Variants in STK10 observed in about 807,000 individuals in gnomAD.
STK10 encodes serine/threonine kinase 10.
Under a neutral mutation model 113.8 loss-of-function variants are expected in STK10, and 78 were observed. That is an observed-to-expected ratio of 0.69 (90% confidence interval 0.57 to 0.83). The LOEUF is 0.83. STK10 is among the 40% of genes least tolerant of loss of function. The pLI is 0.00. For missense variants in STK10, 1,109 were observed against 1,280.1 expected (o/e 0.87, Z 2.04); for synonymous variants, 465 against 494.7 (o/e 0.94, Z 0.80).
At chr5:172,092,772 C>T (rs1041168550) in intron 9 of STK10, 2 of 152,224 alleles carry the variant, frequency 1.3e-5, no homozygotes, top group Non-Finnish European at 2.9e-5. Flanking sequence ...GGAAAGGAGT[C>T]AGCCCCTTCC....
chr5:172,138,808 C>T (rs10071046), intron 2 of STK10, among the ~76,000 whole-genome samples: 12,512 of 151,942 alleles, frequency 0.082, 1,723 homozygotes, highest in African/African-American at 0.29. Context: ...GTCAGGAGAT[C>T]GAGACCATCC....
intron 7 of STK10, among the ~76,000 whole-genome samples, chr5:172,098,627 A>G (rs545661769): frequency 6.6e-6 from 1 of 152,254 alleles, no homozygotes; most frequent in Non-Finnish European, 1.5e-5. Flanking sequence ...GCTGCTCTGT[A>G]CTTTTAAGAG....
intron 1 of STK10, among the ~76,000 whole-genome samples, chr5:172,184,240 C>T (rs1033378252): frequency 6.6e-6 from 1 of 152,118 alleles, no homozygotes; most frequent in African/African-American, 2.4e-5. Flanking sequence ...GGGCAGGAGT[C>T]GTGGTCCTTG....
At chr5:172,077,613 C>T (rs11955977) in intron 12 of STK10, among the ~76,000 whole-genome samples, 6,525 of 152,176 alleles carry the variant, frequency 0.043, 502 homozygotes, top group African/African-American at 0.15. Context: ...TAAATAGGTC[C>T]CTGTTCAACT....
chr5:172,047,536 C>G lies in STK10; in HGVS notation c.2767-2514G>C, dbSNP rs542533400. On this transcript the variant is annotated intron_variant, in intron 18 of 18. Coordinates refer to ENST00000176763, the MANE Select transcript of STK10 (RefSeq NM_005990.4). ...GACCATGGTTACAGAAACTGATGAG[C>G]GTGGGCCTAACAGGAAGTCTGGGAT... Among the ~76,000 whole-genome samples the G allele has an allele frequency of 3.3e-5, 5 of 152,258 alleles. No homozygotes were observed. In the East Asian group the frequency reaches 9.6e-4, roughly 29 times the overall value.
intron 1 of STK10, among the ~76,000 whole-genome samples, chr5:172,161,174 G>A (rs796861697): frequency 2.3e-4 from 35 of 152,246 alleles, no homozygotes; most frequent in South Asian, 1.5e-3. Context: ...GGGGTGGGCC[G>A]GGTGTGGTGG....
At chr5:172,063,724 C>T (rs1304675190) in intron 13 of STK10, 1 of 152,250 alleles carries the variant, frequency 6.6e-6, no homozygotes, top group Non-Finnish European at 1.5e-5. Flanking sequence ...GACCCCCTCC[C>T]TGAATGTGAA....
intron 12 of STK10, among the ~76,000 whole-genome samples, 163 bp from the exon 13 acceptor site, chr5:172,064,975 G>A (rs1176604683): frequency 6.6e-6 from 1 of 152,178 alleles, no homozygotes; most frequent in Non-Finnish European, 1.5e-5. Flanking sequence ...CTCTGAGCAG[G>A]TGCTCCACAC....
At position 172,090,131 on chromosome 5, in the gene STK10, C is replaced by T. The variant is rs142258265; in HGVS notation, c.1685+101G>A. The T allele has an allele frequency of 1.0e-4, 150 of 1,504,450 alleles. No homozygotes were observed. The African/African-American group carries it at 1.9e-3, about 19-fold the overall frequency. 93.2% of individuals were successfully genotyped at this position (1,504,450 alleles called of 1,614,324 possible). ...TTTTGCCTCCTTGATTCCCCCACTT[C>T]ATGCTGTAGACAGACAGCCCTCTCA... is the stretch of plus-strand genomic sequence containing the variant. On this transcript the variant is annotated intron_variant, in intron 10 of 18. Transcript: ENST00000176763.
rs574465377 is a variant in STK10 at position 172,088,051 on chromosome 5, G to C, written c.1685+2181C>G. On this transcript the variant is annotated intron_variant, in intron 10 of 18. Transcript: ENST00000176763. ...AGTGATCCTCCCACTTCAGCCTCCC[G>C]AGTAGCTGGGACTACAGGTATGTGC... Among the ~76,000 whole-genome samples, 4 of 152,068 alleles carry C rather than the reference G, an allele frequency of 2.6e-5. No individual in the cohort carries two copies. The East Asian group carries it at 7.7e-4, about 29-fold the overall frequency.
intron 12 of STK10, among the ~76,000 whole-genome samples, chr5:172,079,723 C>G (rs1178902985): frequency 6.6e-6 from 1 of 151,994 alleles, no homozygotes; most frequent in African/African-American, 2.4e-5. Context: ...TCATGCCTGA[C>G]TAATTTTTTT....
At chr5:172,103,095 T>A (rs751943793) in intron 7 of STK10, among the ~76,000 whole-genome samples, 4 of 152,212 alleles carry the variant, frequency 2.6e-5, no homozygotes, top group Non-Finnish European at 5.9e-5. Flanking sequence ...CAGGCACTTC[T>A]TGGAAGCCGG....
Position 172,044,897 on chromosome 5 carries a change from A to C in STK10, c.2892T>G (p.Ser964=). The C allele has an allele frequency of 6.2e-7, 1 of 1,614,234 alleles. No individual in the cohort carries two copies. Among genetic ancestry groups the C allele is most frequent in the Non-Finnish European group, 8.5e-7 (1 of 1,180,044 alleles). ...SKAAKFFPYS[S]ADAS Reference sequence around the variant, plus strand: ...CGGGCGGTTGTTAAGAAGCATCCGCAGAACTGTAGGGGAAGAACTTGGCGG... The same window carrying C: ...CGGGCGGTTGTTAAGAAGCATCCGCCGAACTGTAGGGGAAGAACTTGGCGG... The change falls in exon 19 of 19, where the codon TCT becomes TCG. Residue 964 remains serine (S), a synonymous_variant. Transcript: ENST00000176763. This position sits in a 1 kb window ranked among gnomAD's most constrained non-coding sequence, Gnocchi z 4.5.
chr5:172,099,949 C>T (rs1201472630), intron 7 of STK10, among the ~76,000 whole-genome samples: 1 of 152,162 alleles, frequency 6.6e-6, no homozygotes, highest in East Asian at 1.9e-4. Context: ...ACCCCAGCGT[C>T]CTTAGGAGGA....
chr5:172,047,260 C>T (rs866747390), intron 18 of STK10, among the ~76,000 whole-genome samples: 1 of 152,182 alleles, frequency 6.6e-6, no homozygotes, highest in Non-Finnish European at 1.5e-5. Context: ...AGGCAAAGTC[C>T]AATGCTGGCT....
intron 2 of STK10, among the ~76,000 whole-genome samples, chr5:172,155,854 G>A (rs1770337284): frequency 6.6e-6 from 1 of 152,082 alleles, no homozygotes; most frequent in South Asian, 2.1e-4. Context: ...AATTAGCTGG[G>A]CATGGTGGCA....
intron 1 of STK10, among the ~76,000 whole-genome samples, chr5:172,159,408 G>A (rs1412044539): frequency 6.6e-6 from 1 of 152,216 alleles, no homozygotes; most frequent in Non-Finnish European, 1.5e-5. Context: ...CAGGCATGAT[G>A]GCATGCACCT....
At chr5:172,147,516 C>T (rs980853385) in intron 2 of STK10, among the ~76,000 whole-genome samples, 5 of 152,104 alleles carry the variant, frequency 3.3e-5, no homozygotes, top group African/African-American at 4.8e-5. Context: ...CTCAGCCTCC[C>T]GAATAGCTGG....
At position 172,187,830 on chromosome 5, in the gene STK10, T is replaced by C. The variant is rs1197775340; in HGVS notation, c.156+57A>G. The C allele has an allele frequency of 1.3e-6, 2 of 1,589,982 alleles. No homozygotes were observed. The highest frequency in any genetic ancestry group is 2.3e-5 in the East Asian group (1 of 43,502). On this transcript the variant is annotated intron_variant, in intron 1 of 18. Transcript: ENST00000176763. The surrounding 1 kb of genome is among the most constrained non-coding windows in gnomAD (Gnocchi z 4.6). ...AGGCTGGCCGGGTCCGGCTCAGGCATCCCTTCCTTCCGGAGCCCCTCGACG... is the reference window on the plus strand; with the variant it reads ...AGGCTGGCCGGGTCCGGCTCAGGCACCCCTTCCTTCCGGAGCCCCTCGACG...
Sources: allele counts gnomAD v4.1 joint callset (sites outside exome capture counted in the v4.1 genomes callset), GRCh38; gene constraint gnomAD v4.1.1; non-coding constraint Gnocchi (gnomAD v3.1); transcripts MANE v1.5; gene names NCBI Gene and HGNC (gene_info 2026-07-23, HGNC 2026-07-21).